The following ST8SIA6 variants were observed in gnomAD, a reference collection of about 807,000 sequenced individuals.
ST8SIA6 encodes the protein alpha-2,8-sialyltransferase 8F.
In ST8SIA6, 39 loss-of-function variants were observed where a neutral mutation model predicts 33.6. The observed-to-expected ratio is 1.16, with a 90% CI of 0.90 to 1.52. ST8SIA6 has a LOEUF of 1.52. Ranked by LOEUF, ST8SIA6 falls within the 40% of genes most tolerant of loss-of-function variation. The pLI is 0.00. For synonymous variants in ST8SIA6, 172 were observed against 167.2 expected (o/e 1.03, Z -0.22); for missense variants, 441 against 443.8 (o/e 0.99, Z 0.06).
chr10:17,320,926 G>T lies in ST8SIA6; in HGVS notation c.1149C>A (p.His383Gln), dbSNP rs373482534. ...PKEYSQILQL[H>Q]MKGILKLQFS... ...ATTGCAGTTTGAGGATTCCTTTCAT[G>T]TGAAGTTGGAGGATCTGGCTGTATT... Residue 383 changes from histidine to glutamine, a missense_variant, in exon 8 of 8, where the codon CAC becomes CAA. Transcript: ENST00000377602. 16 of 1,613,958 alleles carry T rather than the reference G, an allele frequency of 9.9e-6. No individual in the cohort carries two copies. The East Asian group carries it at 3.3e-4, about 34-fold the overall frequency.
intron 2 of ST8SIA6, among the ~76,000 whole-genome samples, chr10:17,449,099 G>A (rs1852825292): frequency 6.7e-6 from 1 of 150,070 alleles, no homozygotes; most frequent in South Asian, 2.1e-4. Context: ...AACATATATA[G>A]AAACTGAAGA....
intron 4 of ST8SIA6, among the ~76,000 whole-genome samples, chr10:17,348,142 G>C (rs1475290930): frequency 6.7e-6 from 1 of 149,180 alleles, no homozygotes; most frequent in African/African-American, 2.5e-5. Context: ...AAAATGTAAA[G>C]AAACCAATTT....
intron 2 of ST8SIA6, among the ~76,000 whole-genome samples, chr10:17,431,736 G>GA (rs113184112): frequency 0.095 from 11,267 of 118,700 alleles, 937 homozygotes; most frequent in African/African-American, 0.21. Flanking sequence ...TCTTCGTTTG[G>GA]AAAAAAAAAA....
At chr10:17,358,818 G>A (rs11254549) in intron 4 of ST8SIA6, among the ~76,000 whole-genome samples, 30,582 of 151,618 alleles carry the variant, frequency 0.2, 3,408 homozygotes, top group East Asian at 0.51. Context: ...AAGAAGCCCC[G>A]CCCCCCAAAA....
chr10:17,373,570 A>G (rs1849801878), intron 3 of ST8SIA6, among the ~76,000 whole-genome samples: 1 of 152,100 alleles, frequency 6.6e-6, no homozygotes, highest in South Asian at 2.1e-4. Context: ...CCTTTCTACT[A>G]TTTTAGCCGT....
chr10:17,356,463 A>G (rs946303234), intron 4 of ST8SIA6, among the ~76,000 whole-genome samples: 1 of 151,514 alleles, frequency 6.6e-6, no homozygotes, highest in Admixed American at 6.6e-5. Flanking sequence ...AGATCACTGC[A>G]ACCTCTGCCT....
Position 17,321,013 on chromosome 10 carries a change from A to G in ST8SIA6, c.1062T>C (p.Pro354=). ...TGTTGTCATAATAGTGATGGCTGACAGGTATGTCTTCTACAGTTTTAGAGA... is the reference window on the plus strand; with the variant it reads ...TGTTGTCATAATAGTGATGGCTGACGGGTATGTCTTCTACAGTTTTAGAGA... The part of the protein sequence containing the change: ...WPFSKTVEDI[P]VSHHYYDNKL... The change falls in exon 8 of 8, where the codon CCT becomes CCC. Residue 354 remains proline, a synonymous_variant. Transcript: ENST00000377602. The G allele has an allele frequency of 6.2e-7, 1 of 1,614,084 alleles. No homozygotes were observed. Among genetic ancestry groups the G allele is most frequent in the Non-Finnish European group, 8.5e-7 (1 of 1,179,976 alleles).
chr10:17,425,225 C>A (rs17367533), intron 2 of ST8SIA6, among the ~76,000 whole-genome samples: 89,897 of 151,880 alleles, frequency 0.59, 28,345 homozygotes, highest in African/African-American at 0.8. Context: ...ACATGTATAC[C>A]TATAGTTGTC....
intron 3 of ST8SIA6, among the ~76,000 whole-genome samples, 180 bp from the exon 4 acceptor site, chr10:17,359,780 A>G (rs1403401466): frequency 6.6e-6 from 1 of 152,110 alleles, no homozygotes; most frequent in Non-Finnish European, 1.5e-5. Flanking sequence ...GTAAATGATT[A>G]TTATGTTGGT....
intron 2 of ST8SIA6, among the ~76,000 whole-genome samples, chr10:17,442,697 T>G (rs1852543071): frequency 6.6e-6 from 1 of 152,260 alleles, no homozygotes; most frequent in Admixed American, 6.5e-5. Flanking sequence ...TCTTTGTTAA[T>G]ATACAGTCTG....
In ST8SIA6 at chr10:17,421,611, A is replaced by C. The variant is rs1426172516; in HGVS notation, c.201-30991T>G. The stretch of plus-strand genomic sequence containing the variant: ...TGGGTCTTGCTTTGTTGCTCAGGCT[A>C]GAGTGTAGTGGTGTAATCACAGCTC... On this transcript the variant is annotated intron_variant, in intron 2 of 7. Transcript: ENST00000377602. 2.0e-5 allele frequency among the ~76,000 whole-genome samples: 3 copies of C among 152,042 alleles called. No individual in the cohort carries two copies. The East Asian group carries it at 5.8e-4, about 29-fold the overall frequency.
In ST8SIA6 at chr10:17,321,276, GA is replaced by G; in HGVS notation, c.798del (p.Leu267PhefsTer38). 1 of 1,613,050 alleles carries G rather than the reference GA, an allele frequency of 6.2e-7. No individual in the cohort carries two copies. Among genetic ancestry groups the G allele is most frequent in the African/African-American group, 1.3e-5 (1 of 74,900 alleles). Reference protein sequence around the residue: ...EDIATYGDAFFLLPAFSFRAN... With the variant: ...EDIATYGDAFXLLPAFSFRAN... ...GCCCTGAAGGAAAATGCTGGCAGAAGAAAAAATGCATCTCCATAGGTTGCAA... is the reference window on the plus strand; with the variant it reads ...GCCCTGAAGGAAAATGCTGGCAGAAGAAAAATGCATCTCCATAGGTTGCAA... On this transcript the variant is annotated frameshift_variant, in exon 8 of 8. Coordinates refer to ENST00000377602, the MANE Select transcript of ST8SIA6 (RefSeq NM_001004470.3). LOFTEE classifies it low-confidence loss of function (END_TRUNC).
Position 17,331,541 on chromosome 10 carries a change from G to A in ST8SIA6, c.389C>T (p.Ala130Val), listed in dbSNP as rs1848299837. ...GTTTTGAACAGCATCACAGCAGGAAGCAAGTTTGGCTCTGCAAAGGAAAAG... is the reference window on the plus strand; with the variant it reads ...GTTTTGAACAGCATCACAGCAGGAAACAAGTTTGGCTCTGCAAAGGAAAAG... ...EEYANFRAKL[A>V]SCCDAVQNFV... Residue 130 changes from alanine (A) to valine (V), a missense_variant, in exon 5 of 8, where the codon GCT (alanine) becomes GTT (valine). Physicochemically the swap from Ala to Val is moderately conservative, Grantham distance 64 (BLOSUM62 0). Transcript: ENST00000377602. 2.5e-6 allele frequency: 4 copies of A among 1,606,466 alleles called. No individual in the cohort carries two copies. Among genetic ancestry groups the A allele is most frequent in the East Asian group, 2.2e-5 (1 of 44,778 alleles).
intron 2 of ST8SIA6, among the ~76,000 whole-genome samples, chr10:17,423,975 T>C (rs1222667803): frequency 6.6e-6 from 1 of 152,230 alleles, no homozygotes; most frequent in Non-Finnish European, 1.5e-5. Context: ...AAATCTCCCT[T>C]GAATCCTTCT....
intron 3 of ST8SIA6, among the ~76,000 whole-genome samples, chr10:17,360,517 A>G (rs545459182): frequency 7.6e-4 from 115 of 151,434 alleles, no homozygotes; most frequent in African/African-American, 2.6e-3. Context: ...TAAAGTGACT[A>G]TAATAATATT....
chr10:17,379,315 GT>G (rs1176566944), intron 3 of ST8SIA6, among the ~76,000 whole-genome samples: 1,661 of 151,984 alleles, frequency 0.011, 31 homozygotes, highest in African/African-American at 0.038. Context: ...GAGAGAAAGA[GT>G]AAGAATGAGA....
intron 4 of ST8SIA6, among the ~76,000 whole-genome samples, chr10:17,355,286 C>A (rs1373734825): frequency 6.6e-6 from 1 of 152,172 alleles, no homozygotes; most frequent in Non-Finnish European, 1.5e-5. Flanking sequence ...AATCCAATTT[C>A]TCTTTGAAAT....
chr10:17,362,284 C>A (rs182585894), intron 3 of ST8SIA6, among the ~76,000 whole-genome samples: 35 of 152,276 alleles, frequency 2.3e-4, no homozygotes, highest in Admixed American at 5.9e-4. Context: ...CAACACTTGA[C>A]AAATTATACA....
chr10:17,393,250 T>C (rs1171900328), intron 2 of ST8SIA6, among the ~76,000 whole-genome samples: 1 of 152,172 alleles, frequency 6.6e-6, no homozygotes, highest in African/African-American at 2.4e-5. Context: ...GCCACTGGCT[T>C]TCCTGGGGCT....
Sources: allele counts gnomAD v4.1 joint callset (sites outside exome capture counted in the v4.1 genomes callset), GRCh38; gene constraint gnomAD v4.1.1; transcripts MANE v1.5; gene names NCBI Gene and HGNC (gene_info 2026-07-23, HGNC 2026-07-21).